The following UPP2 variants were observed in gnomAD, a reference collection of about 807,000 sequenced individuals.
UPP2 encodes UPase 2.
A neutral mutation model predicts 26.7 loss-of-function variants in UPP2; 23 were observed. That is an observed-to-expected ratio of 0.86 (90% confidence interval 0.62 to 1.22). The LOEUF is 1.22. UPP2 is among the 50% of genes most tolerant of loss of function. UPP2 has a pLI of 0.00. For missense variants in UPP2, 387 were observed against 396.7 expected (o/e 0.98, Z 0.21); for synonymous variants, 127 against 141.3 (o/e 0.90, Z 0.72).
At chr2:157,996,344 C>T (rs752634923) in intron 2 of UPP2, among the ~76,000 whole-genome samples, 3 of 151,970 alleles carry the variant, frequency 2.0e-5, no homozygotes, top group Non-Finnish European at 4.4e-5. Flanking sequence ...TTATTGAGCT[C>T]TTTTTTCTTG....
At chr2:158,036,087 G>A (rs1558910376) in intron 3 of UPP2, among the ~76,000 whole-genome samples, 1 of 152,112 alleles carries the variant, frequency 6.6e-6, no homozygotes, top group African/African-American at 2.4e-5. Context: ...CACAAGCTTG[G>A]AAAGTAGCAG....
chr2:158,114,806 G>T (rs1190136445), intron 2 of UPP2, among the ~76,000 whole-genome samples: 1 of 152,160 alleles, frequency 6.6e-6, no homozygotes. Context: ...AATTTAAGAT[G>T]CTGGTTGGTG....
At chr2:158,068,797 TATATA>T (rs1231146871) in intron 3 of UPP2, among the ~76,000 whole-genome samples, 9 of 17,990 alleles carry the variant, frequency 5.0e-4, no homozygotes, top group African/African-American at 1.9e-3. Flanking sequence ...TATATATATA[TATATA>T]TTTTTTTTTT....
chr2:158,076,944 T>C (rs914640862), intron 3 of UPP2, among the ~76,000 whole-genome samples: 1 of 152,048 alleles, frequency 6.6e-6, no homozygotes, highest in African/African-American at 2.4e-5. Flanking sequence ...AAGGAAACTA[T>C]TAGAACTGAT....
intron 3 of UPP2, among the ~76,000 whole-genome samples, chr2:158,036,602 C>T (rs1684004024): frequency 6.6e-6 from 1 of 152,222 alleles, no homozygotes; most frequent in Non-Finnish European, 1.5e-5. Context: ...TCTGTTCGTT[C>T]ATAAGCTGGT....
At chr2:158,048,236 A>C (rs1474437355) in intron 3 of UPP2, among the ~76,000 whole-genome samples, 3 of 152,220 alleles carry the variant, frequency 2.0e-5, no homozygotes, top group Admixed American at 1.3e-4. Context: ...GGATTGGGGC[A>C]GGGGCAGATG....
intron 2 of UPP2, among the ~76,000 whole-genome samples, chr2:158,005,578 A>T (rs1438856763): frequency 6.6e-6 from 1 of 152,198 alleles, no homozygotes; most frequent in African/African-American, 2.4e-5. Flanking sequence ...GGCAGAATTG[A>T]TAGTACTTGT....
At chr2:158,057,827 G>T (rs1248312601) in intron 3 of UPP2, among the ~76,000 whole-genome samples, 2 of 151,552 alleles carry the variant, frequency 1.3e-5, no homozygotes, top group Non-Finnish European at 2.9e-5. Context: ...AGAAGTGGGT[G>T]GCTTATAACC....
At chr2:158,012,473 G>A (rs1390300529) in intron 2 of UPP2, among the ~76,000 whole-genome samples, 1 of 151,700 alleles carries the variant, frequency 6.6e-6, no homozygotes, top group Non-Finnish European at 1.5e-5. Flanking sequence ...TCACCACATT[G>A]GCCAGGCTGG....
intron 6 of UPP2, among the ~76,000 whole-genome samples, chr2:158,131,846 A>G (rs1683825716): frequency 6.6e-6 from 1 of 152,234 alleles, no homozygotes; most frequent in Non-Finnish European, 1.5e-5. Context: ...AGATTATTAT[A>G]TGCTGCTCGC....
chr2:158,066,715 TA>T (rs904112847), intron 3 of UPP2, among the ~76,000 whole-genome samples: 1 of 151,560 alleles, frequency 6.6e-6, no homozygotes, highest in African/African-American at 2.4e-5. Context: ...AAGCCTCCAT[TA>T]AAAAAAATCT....
chr2:158,102,212 C>T (rs1683091161), intron 1 of UPP2, 87 bp downstream of exon 1: 3 of 1,406,946 alleles, frequency 2.1e-6, no homozygotes, highest in Non-Finnish European at 2.9e-6. Context: ...TGGGCCTCTA[C>T]AGTTAAGCAA....
At chr2:158,099,788 T>C (rs1036273079), upstream of UPP2, among the ~76,000 whole-genome samples, 3 of 152,172 alleles carry the variant, frequency 2.0e-5, no homozygotes, top group Non-Finnish European at 4.4e-5. Flanking sequence ...AATGTAATAG[T>C]GCCAGCATCA....
In UPP2 at chr2:158,081,772, G is replaced by A. The variant is rs200706718; in HGVS notation, c.148-20268G>A. 7.9e-5 allele frequency among the ~76,000 whole-genome samples: 12 copies of A among 152,004 alleles called. No individual in the cohort carries two copies. The East Asian group carries it at 2.1e-3, about 27-fold the overall frequency. ...AAAAATTAAAAAAATTGAACTCATG[G>A]AGATGGAGAGTAGAATGATGTTACC... On this transcript the variant is annotated intron_variant, in intron 3 of 9. Transcript: ENST00000605860.
At chr2:158,052,548 T>C (rs1383374686) in intron 3 of UPP2, among the ~76,000 whole-genome samples, 1 of 152,196 alleles carries the variant, frequency 6.6e-6, no homozygotes. Flanking sequence ...TATATGGGTA[T>C]TGAATGACTG....
chr2:158,055,076 T>C (rs969960323), intron 3 of UPP2, among the ~76,000 whole-genome samples: 1 of 152,180 alleles, frequency 6.6e-6, no homozygotes, highest in East Asian at 1.9e-4. Flanking sequence ...TACCCCAAAC[T>C]GGGTAACTTA....
chr2:158,026,357 A>C (rs1683832759), intron 3 of UPP2, among the ~76,000 whole-genome samples: 1 of 152,150 alleles, frequency 6.6e-6, no homozygotes, highest in African/African-American at 2.4e-5. Context: ...TAAAGGTCTC[A>C]AGGTCCTGAT....
chr2:158,054,387 T>TG (rs57752916), intron 3 of UPP2, among the ~76,000 whole-genome samples: 10,215 of 138,016 alleles, frequency 0.074, 1,052 homozygotes, highest in African/African-American at 0.28. Flanking sequence ...ATTTTGAGGT[T>TG]TTTTTTTTTT....
At chr2:158,109,752 C>G (rs1487369827) in intron 2 of UPP2, among the ~76,000 whole-genome samples, 2 of 152,204 alleles carry the variant, frequency 1.3e-5, no homozygotes, top group East Asian at 3.8e-4. Context: ...AACAGCTAAT[C>G]AATCTCTGCC....
Sources: gnomAD v4.1 joint callset for allele counts (sites outside exome capture counted in the v4.1 genomes callset) on GRCh38, gnomAD v4.1.1 for gene constraint, MANE v1.5 for transcripts, NCBI Gene and HGNC (gene_info 2026-07-23, HGNC 2026-07-21) for gene names.